ADAMTS6: variants seen among roughly 807,000 people sequenced by gnomAD.
ADAMTS6 encodes A disintegrin and metalloproteinase with thrombospondin motifs 6.
A neutral mutation model predicts 144.3 loss-of-function variants in ADAMTS6; 23 were observed. That is an observed-to-expected ratio of 0.16 (90% CI 0.11 to 0.23). ADAMTS6 has a LOEUF of 0.23. Among genes scored for constraint, ADAMTS6 ranks in the 10% least tolerant of loss-of-function variants. The probability of loss-of-function intolerance (pLI) is 1.00; values close to 1 mark genes in which losing one functional copy is unlikely to be tolerated. For missense variants in ADAMTS6, 999 were observed against 1,379.6 expected, an observed-to-expected ratio of 0.72 and a Z score of 4.37; for synonymous variants, 444 against 457.5, an observed-to-expected ratio of 0.97 and a Z score of 0.38.
In ADAMTS6 at chr5:65,409,248, G is replaced by A. The variant is rs112038865; in HGVS notation, c.1073+42227C>T. Among the ~76,000 whole-genome samples, 453 of 152,094 alleles carry A rather than the reference G, an allele frequency of 3.0e-3. 4 individuals are homozygous for A. Among genetic ancestry groups the A allele is most frequent in the African/African-American group, 0.01 (429 of 41,506 alleles). ...AAAAGATCAACAAAACTGATAGACC[G>A]CTAGCAAGACTAATAAAGCAGAAAA... On this transcript the variant is annotated intron_variant, in intron 7 of 24. Transcript: ENST00000381055.
At position 65,178,729 on chromosome 5, in the gene ADAMTS6, T is replaced by TA. The variant is rs1275737529; in HGVS notation, c.2911-5722dup. On this transcript the variant is annotated intron_variant, in intron 22 of 24. Coordinates refer to ENST00000381055, the MANE Select transcript of ADAMTS6 (RefSeq NM_197941.4). ...CTAACCCTTGGGCAAAACCTGAATA[T>TA]AAAGGCCCCCCATACTGTGGTAACT... 3.3e-5 allele frequency among the ~76,000 whole-genome samples: 5 copies of TA among 152,194 alleles called. No individual in the cohort carries two copies. The East Asian group carries it at 5.8e-4, about 18-fold the overall frequency.
At chr5:65,207,429 A>T (rs1756183128) in intron 20 of ADAMTS6, among the ~76,000 whole-genome samples, 2 of 152,160 alleles carry the variant, frequency 1.3e-5, no homozygotes, top group Non-Finnish European at 2.9e-5. Flanking sequence ...ACTATTCTTA[A>T]GGTTTATTTT....
chr5:65,402,718 C>T (rs558272244), intron 7 of ADAMTS6, among the ~76,000 whole-genome samples: 1 of 152,054 alleles, frequency 6.6e-6, no homozygotes, highest in South Asian at 2.1e-4. Context: ...GGCGCTGGAT[C>T]CCTTCCCTTT....
At chr5:65,179,678 A>G (rs1754214274) in intron 22 of ADAMTS6, among the ~76,000 whole-genome samples, 1 of 151,976 alleles carries the variant, frequency 6.6e-6, no homozygotes, top group African/African-American at 2.4e-5. Context: ...AATCCTGTCC[A>G]CCTTCAGAAA....
chr5:65,333,207 G>T (rs187047231), intron 8 of ADAMTS6, among the ~76,000 whole-genome samples: 2 of 152,088 alleles, frequency 1.3e-5, no homozygotes, highest in Admixed American at 1.3e-4. Flanking sequence ...TCTGTAAAAA[G>T]TCTCTATGAC....
At position 65,171,200 on chromosome 5, in the gene ADAMTS6, G is replaced by A. The variant is rs546669255; in HGVS notation, c.3088-427C>T. Among the ~76,000 whole-genome samples, 26 of 151,966 alleles carry A rather than the reference G, an allele frequency of 1.7e-4. No homozygotes were observed. The East Asian group carries it at 4.7e-3, about 27-fold the overall frequency. On this transcript the variant is annotated intron_variant, in intron 23 of 24. Transcript: ENST00000381055. ...AATTTTTTGTATTTTTAGTAGAGAC[G>A]GGGTTTCACCATCTTAGCCAGCATG...
chr5:65,420,388 A>AT (rs982158907), intron 7 of ADAMTS6, among the ~76,000 whole-genome samples: 8 of 150,618 alleles, frequency 5.3e-5, no homozygotes, highest in East Asian at 3.9e-4. Flanking sequence ...TTCGATCTGA[A>AT]TTTTTTTTTT....
At chr5:65,354,354 A>C (rs1414347458) in intron 7 of ADAMTS6, among the ~76,000 whole-genome samples, 1 of 151,746 alleles carries the variant, frequency 6.6e-6, no homozygotes, top group Non-Finnish European at 1.5e-5. Flanking sequence ...CTTATCTATA[A>C]AATGGGGAAA....
chr5:65,465,352 ACTAT>A (rs1472528024), intron 3 of ADAMTS6, among the ~76,000 whole-genome samples: 1 of 152,158 alleles, frequency 6.6e-6, no homozygotes, highest in African/African-American at 2.4e-5. Flanking sequence ...TTATGGATGA[ACTAT>A]CTATTCCCCT....
intron 9 of ADAMTS6, among the ~76,000 whole-genome samples, chr5:65,326,820 C>T (rs75024492): frequency 0.014 from 2,201 of 152,108 alleles, 33 homozygotes; most frequent in East Asian, 0.083. Flanking sequence ...CAGAGTTGAC[C>T]GCTAAGTCCC....
chr5:65,152,044 G>A lies in ADAMTS6; in HGVS notation c.3245-99C>T, dbSNP rs1258869769. The stretch of plus-strand genomic sequence containing the variant: ...GCATGTTCAGCAAGGACCCCCTTTG[G>A]GCCAATCCACCTTGGCTTCGACCTC... On this transcript the variant is annotated intron_variant, in intron 24 of 24. Transcript: ENST00000381055. 12 of 1,014,682 alleles carry A rather than the reference G, an allele frequency of 1.2e-5. No individual in the cohort carries two copies. The East Asian group carries it at 2.9e-4, about 25-fold the overall frequency. 62.9% of individuals were successfully genotyped at this position (1,014,682 alleles called of 1,614,324 possible). A position where few individuals can be genotyped will look rare whatever the true frequency, so the allele number is the denominator to read the frequency against.
intron 10 of ADAMTS6, among the ~76,000 whole-genome samples, chr5:65,296,733 T>C (rs563302383): frequency 2.3e-3 from 348 of 152,344 alleles, no homozygotes; most frequent in African/African-American, 8.2e-3. Flanking sequence ...GACTGTAACA[T>C]TGCTTCTCTT....
intron 22 of ADAMTS6, among the ~76,000 whole-genome samples, chr5:65,176,129 G>A (rs954492653): frequency 6.6e-6 from 1 of 151,932 alleles, no homozygotes; most frequent in African/African-American, 2.4e-5. Context: ...GAAAAAAAGG[G>A]GGGGGCAGAA....
At chr5:65,248,637 A>G (rs970146708) in intron 14 of ADAMTS6, among the ~76,000 whole-genome samples, 2 of 113,844 alleles carry the variant, frequency 1.8e-5, no homozygotes, top group East Asian at 4.6e-4. Context: ...CCTACAAAAA[A>G]TACAAAAATT....
intron 12 of ADAMTS6, among the ~76,000 whole-genome samples, chr5:65,267,098 A>AT (rs1761683157): frequency 6.8e-6 from 1 of 148,106 alleles, no homozygotes; most frequent in Non-Finnish European, 1.5e-5. Flanking sequence ...TAATAATGAG[A>AT]TTCTGAGTGT....
intron 18 of ADAMTS6, among the ~76,000 whole-genome samples, chr5:65,217,060 G>A (rs987255195): frequency 6.6e-6 from 1 of 151,940 alleles, no homozygotes; most frequent in South Asian, 2.1e-4. Flanking sequence ...GTCATCTCCC[G>A]ACCCCCATTT....
At chr5:65,235,935 A>C (rs1758637721) in intron 15 of ADAMTS6, among the ~76,000 whole-genome samples, 3 of 152,238 alleles carry the variant, frequency 2.0e-5, no homozygotes, top group African/African-American at 7.2e-5. Flanking sequence ...TTCACTTTGC[A>C]TGAAATTATG....
chr5:65,452,318 T>C, intron 5 of ADAMTS6, 102 bp from the exon 6 acceptor site: 1 of 927,002 alleles, frequency 1.1e-6, no homozygotes, highest in Non-Finnish European at 1.7e-6. Flanking sequence ...AATTTAGCCA[T>C]TGTATACATT....
rs370935518 is a variant in ADAMTS6, at chr5:65,151,608, A to G, written c.*228T>C. Reference sequence around the variant, plus strand: ...TCCCTGTGTTGTTTGGATCTCTCCAATCTGGCATTCCCTCCTAATACCGTG... The same window carrying G: ...TCCCTGTGTTGTTTGGATCTCTCCAGTCTGGCATTCCCTCCTAATACCGTG... On this transcript the variant is annotated 3_prime_UTR_variant, in exon 25 of 25. Coordinates refer to ENST00000381055, the MANE Select transcript of ADAMTS6 (RefSeq NM_197941.4). 61 of 459,858 alleles carry G rather than the reference A, an allele frequency of 1.3e-4. No individual in the cohort carries two copies. Among genetic ancestry groups the G allele is most frequent in the African/African-American group, 9.8e-4 (51 of 52,298 alleles). 28.5% of individuals were successfully genotyped at this position (459,858 alleles called of 1,614,324 possible). A position where few individuals can be genotyped will look rare whatever the true frequency, so the allele number is the denominator to read the frequency against.
Sources: allele counts gnomAD v4.1 joint callset (sites outside exome capture counted in the v4.1 genomes callset), GRCh38; gene constraint gnomAD v4.1.1; transcripts MANE v1.5; gene names NCBI Gene and HGNC (gene_info 2026-07-23, HGNC 2026-07-21).